The following SDHB variants were observed in gnomAD, a reference collection of about 807,000 sequenced individuals.
SDHB encodes succinate dehydrogenase [ubiquinone] iron-sulfur subunit, mitochondrial.
Under a neutral mutation model 39.7 loss-of-function variants are expected in SDHB, and 21 were observed. The observed-to-expected ratio is 0.53, with a 90% confidence interval of 0.37 to 0.76. The LOEUF is 0.76. Among genes scored for constraint, SDHB ranks in the 30% least tolerant of loss-of-function variants. The pLI, the probability that SDHB is intolerant of heterozygous loss-of-function variation, is 0.00. For missense variants in SDHB, 343 were observed against 350.9 expected, an observed-to-expected ratio of 0.98 and a Z score of 0.18; for synonymous variants, 118 against 117.0, an observed-to-expected ratio of 1.01 and a Z score of -0.06.
In SDHB at chr1:17,042,954, G is replaced by GTTTTTTTTT. The variant is rs143394198; in HGVS notation, c.200+1798_200+1806dup. 1.2e-3 allele frequency among the ~76,000 whole-genome samples: 78 copies of GTTTTTTTTT among 62,892 alleles called. 8 individuals are homozygous for GTTTTTTTTT. Among genetic ancestry groups the GTTTTTTTTT allele is most frequent in the Admixed American group, 1.7e-3 (6 of 3,532 alleles). 41.3% of individuals were successfully genotyped at this position (62,892 alleles called of 152,430 possible). A position where few individuals can be genotyped will look rare whatever the true frequency, so the allele number is the denominator to read the frequency against. On this transcript the variant is annotated intron_variant, in intron 2 of 7. Transcript: ENST00000375499. ...AGCAGTAGGGTTTTTTGTTTTATGA[G>GTTTTTTTTT]TTTTTTTTTTTTTTTTTTTTTTTTT...
intron 4 of SDHB, among the ~76,000 whole-genome samples, 180 bp from the exon 5 acceptor site, chr1:17,028,045 A>G (rs1179705202): frequency 6.6e-6 from 1 of 152,218 alleles, no homozygotes; most frequent in African/African-American, 2.4e-5. Flanking sequence ...AAAAATGGTC[A>G]CAATGTTAAG....
chr1:17,050,716 T>C (rs1194269794), intron 1 of SDHB, among the ~76,000 whole-genome samples: 2 of 151,760 alleles, frequency 1.3e-5, no homozygotes, highest in Non-Finnish European at 2.9e-5. Context: ...TTTACCAGAA[T>C]GAAAGAAGAT....
chr1:17,021,638 G>A (rs1042696863), intron 7 of SDHB, among the ~76,000 whole-genome samples: 2 of 152,008 alleles, frequency 1.3e-5, no homozygotes, highest in African/African-American at 2.4e-5. Context: ...CCAGCTACTC[G>A]GGAGGCGAAT....
chr1:17,041,083 T>A (rs573807969), intron 2 of SDHB, among the ~76,000 whole-genome samples: 1 of 151,986 alleles, frequency 6.6e-6, no homozygotes, highest in African/African-American at 2.4e-5. Context: ...TGAGCCAAGA[T>A]TGCGCCACTG....
chr1:17,025,207 G>C (rs1184209747), intron 5 of SDHB, among the ~76,000 whole-genome samples: 2 of 152,132 alleles, frequency 1.3e-5, no homozygotes, highest in Non-Finnish European at 2.9e-5. Context: ...TGAAGCAGTA[G>C]AAAGCAAAGT....
At chr1:17,027,927 C>T in intron 4 of SDHB, 62 bp from the exon 5 acceptor site, 2 of 1,015,638 alleles carry the variant, frequency 2.0e-6, no homozygotes, top group Admixed American at 1.8e-5. Flanking sequence ...ATCATCACCT[C>T]AGCTTTATTT....
Position 17,044,901 on chromosome 1 carries a change from A to C in SDHB, c.73-13T>G, listed in dbSNP as rs769480915. The stretch of plus-strand genomic sequence containing the variant: ...CTCCTCGGGAGGCCTGAAATTTTTT[A>C]AAGTTCACAAAAAGGAAAAAAAAAT... On this transcript the variant is annotated splice_polypyrimidine_tract_variant and intron_variant, in intron 1 of 7. Coordinates refer to ENST00000375499, the MANE Select transcript of SDHB (RefSeq NM_003000.3). The C allele has an allele frequency of 1.2e-6, 2 of 1,612,324 alleles. No individual in the cohort carries two copies. The highest frequency in any genetic ancestry group is 1.7e-6 in the Non-Finnish European group (2 of 1,179,464).
rs754024341 is a variant in SDHB at position 17,053,984 on chromosome 1, C to G, written c.36G>C (p.Arg12=). Residue 12 remains arginine, a synonymous_variant, in exon 1 of 8, where the codon CGG becomes CGC. Transcript: ENST00000375499. Reference sequence around the variant, plus strand: ...CTCCGCCAAGGGTTGTGGCCGGCAACCGGCGCCTCAAGGAGAGGGCGACCA... The same window carrying G: ...CTCCGCCAAGGGTTGTGGCCGGCAAGCGGCGCCTCAAGGAGAGGGCGACCA... ...AAVVALSLRR[R]LPATTLGGAC... 1 of 1,613,102 alleles carries G rather than the reference C, an allele frequency of 6.2e-7. No homozygotes were observed. The highest frequency in any genetic ancestry group is 8.5e-7 in the Non-Finnish European group (1 of 1,179,726).
intron 3 of SDHB, among the ~76,000 whole-genome samples, chr1:17,031,925 C>T (rs1461290443): frequency 6.6e-6 from 1 of 152,086 alleles, no homozygotes; most frequent in Non-Finnish European, 1.5e-5. Flanking sequence ...AAGTCCATTA[C>T]CCTCTCTGGG....
At position 17,028,591 on chromosome 1, in the gene SDHB, G is replaced by A. The variant is rs1570948499; in HGVS notation, c.423+9C>T. 1 of 1,614,090 alleles carries A rather than the reference G, an allele frequency of 6.2e-7. No homozygotes were observed. The highest frequency in any genetic ancestry group is 8.5e-7 in the Non-Finnish European group (1 of 1,179,998). On this transcript the variant is annotated intron_variant, in intron 4 of 7. Coordinates refer to ENST00000375499, the MANE Select transcript of SDHB (RefSeq NM_003000.3). Reference sequence around the variant, plus strand: ...ATAAAAACAAAACCAGAGAGATGCAGAAACTCACGGGAACAAGATCCTTTA... The same window carrying A: ...ATAAAAACAAAACCAGAGAGATGCAAAAACTCACGGGAACAAGATCCTTTA...
intron 3 of SDHB, among the ~76,000 whole-genome samples, chr1:17,030,369 AC>A (rs1339557451): frequency 1.3e-5 from 2 of 152,132 alleles, no homozygotes; most frequent in East Asian, 3.9e-4. Flanking sequence ...TTCATAAAAT[AC>A]GCAGCATAGT....
chr1:17,021,743 C>G (rs1319373190), intron 7 of SDHB, among the ~76,000 whole-genome samples: 1 of 151,716 alleles, frequency 6.6e-6, no homozygotes, highest in Non-Finnish European at 1.5e-5. Context: ...GAGCGAAACT[C>G]TGTCTCCAAA....
At chr1:17,032,988 T>A in intron 3 of SDHB, 72 bp downstream of exon 3, 2 of 1,138,256 alleles carry the variant, frequency 1.8e-6, no homozygotes, top group East Asian at 4.7e-5. Context: ...GATGTCTCTA[T>A]CAGCTTTGGC....
intron 7 of SDHB, among the ~76,000 whole-genome samples, chr1:17,019,817 TG>T (rs748832147): frequency 2.2e-4 from 34 of 152,278 alleles, no homozygotes; most frequent in Non-Finnish European, 3.8e-4. Flanking sequence ...CACTGTGGCC[TG>T]GAACACCTGG....
chr1:17,053,908 G>A, intron 1 of SDHB, 40 bp downstream of exon 1: 2 of 1,506,964 alleles, frequency 1.3e-6, no homozygotes, highest in Non-Finnish European at 1.8e-6. Context: ...AGTCTCTGTG[G>A]CTTTCCTGAC....
rs552089019 is a variant in SDHB at position 17,036,807 on chromosome 1, TAC to T, written c.201-3664_201-3663del. On this transcript the variant is annotated intron_variant, in intron 2 of 7. Coordinates refer to ENST00000375499, the MANE Select transcript of SDHB (RefSeq NM_003000.3). ...AAATACATATATAAATATATATGTATACACACACACACACACATTTTTTCTGT... is the reference window on the plus strand; with the variant it reads ...AAATACATATATAAATATATATGTATACACACACACACACATTTTTTCTGT... 1.5e-4 allele frequency among the ~76,000 whole-genome samples: 22 copies of T among 147,562 alleles called. No individual in the cohort carries two copies. The East Asian group carries it at 2.1e-3, about 14-fold the overall frequency.
At chr1:17,042,775 C>CA (rs35897475) in intron 2 of SDHB, among the ~76,000 whole-genome samples, 33 of 148,862 alleles carry the variant, frequency 2.2e-4, no homozygotes, top group Admixed American at 8.0e-4. Flanking sequence ...GACCCTGACT[C>CA]AAAAAAAAAG....
At chr1:17,027,074 C>T (rs959754482) in intron 5 of SDHB, among the ~76,000 whole-genome samples, 4 of 152,358 alleles carry the variant, frequency 2.6e-5, no homozygotes, top group Non-Finnish European at 5.9e-5. Flanking sequence ...AGGTGGGGCT[C>T]TGTCTCCATT....
intron 2 of SDHB, among the ~76,000 whole-genome samples, chr1:17,040,477 C>T (rs2078073795): frequency 6.6e-6 from 1 of 152,182 alleles, no homozygotes. Context: ...CTCACCCATG[C>T]ATGGTCTTAC....
Sources: allele counts gnomAD v4.1 joint callset (sites outside exome capture counted in the v4.1 genomes callset), GRCh38; gene constraint gnomAD v4.1.1; transcripts MANE v1.5; gene names NCBI Gene and HGNC (gene_info 2026-07-23, HGNC 2026-07-21).